The following PLA2G4D variants were observed in gnomAD, a reference collection of about 807,000 sequenced individuals.
PLA2G4D encodes the protein phospholipase A2 group IVD.
PLA2G4D carries 80 observed loss-of-function variants against 94.4 expected under a neutral mutation model. That is an observed-to-expected ratio of 0.85 (90% CI 0.71 to 1.02). The LOEUF (loss-of-function observed/expected upper bound fraction) is 1.02, where lower values mean the gene tolerates loss of function less well. Ranked by LOEUF, PLA2G4D falls within the 50% of genes least tolerant of loss-of-function variation. The pLI, the probability that PLA2G4D is intolerant of heterozygous loss-of-function variation, is 0.00. For missense variants in PLA2G4D, 1,050 were observed against 1,034.7 expected, an observed-to-expected ratio of 1.01 and a Z score of -0.20; for synonymous variants, 438 against 440.9, an observed-to-expected ratio of 0.99 and a Z score of 0.08.
intron 14 of PLA2G4D, 111 bp downstream of exon 14, chr15:42,072,164 G>T (rs1668588): frequency 9.0e-7 from 1 of 1,108,014 alleles, no homozygotes; most frequent in Non-Finnish European, 1.3e-6. Context: ...CTGCCCTTCC[G>T]GAACATTGGG....
rs1889730560 is a variant in PLA2G4D at position 42,068,629 on chromosome 15, C to A, written c.*86G>T. 5 of 1,343,154 alleles carry A rather than the reference C, an allele frequency of 3.7e-6. No homozygotes were observed. The Admixed American group carries it at 1.1e-4, about 30-fold the overall frequency. The allele number at this position is 1,343,154 out of a possible 1,614,324, so 83.2% of individuals were successfully genotyped here. A position where few individuals can be genotyped will look rare whatever the true frequency, so the allele number is the denominator to read the frequency against. The stretch of plus-strand genomic sequence containing the variant: ...CCCAGGCCTGGGAGAGCCCAGAACT[C>A]CAACCAGGAAGGCCTGTGGCTGAGC... On this transcript the variant is annotated 3_prime_UTR_variant, in exon 20 of 20. Transcript: ENST00000290472.
At position 42,093,530 on chromosome 15, in the gene PLA2G4D, G is replaced by T. The variant is rs144223392; in HGVS notation, c.45+885C>A. 1.5e-3 allele frequency among the ~76,000 whole-genome samples: 229 copies of T among 152,292 alleles called. 1 individual carries two copies. The Middle Eastern group carries it at 0.024, about 16-fold the overall frequency. ...TCCGTGGACTCCCCCGCATCCAAATGTCCGCTGATGTCTGACTCGTGGGTG... is the reference window on the plus strand; with the variant it reads ...TCCGTGGACTCCCCCGCATCCAAATTTCCGCTGATGTCTGACTCGTGGGTG... On this transcript the variant is annotated intron_variant, in intron 1 of 19. Coordinates refer to ENST00000290472, the MANE Select transcript of PLA2G4D (RefSeq NM_178034.4).
At position 42,079,610 on chromosome 15, in the gene PLA2G4D, C is replaced by T; in HGVS notation, c.1244G>A (p.Arg415Gln). 6.2e-7 allele frequency: 1 copy of T among 1,610,814 alleles called. No individual in the cohort carries two copies. The highest frequency in any genetic ancestry group is 8.5e-7 in the Non-Finnish European group (1 of 1,178,914). Residue 415 changes from arginine to glutamine, a missense_variant, in exon 13 of 20, where the codon CGG becomes CAG. Transcript: ENST00000290472. ...GGTCGTGGGGTGGCCCTGCTCAGCC[C>T]GCAGCTCCAGCTCCCGGCGGTAGCT... ...LASYRRELELRAEQGHPTTFV... is the reference protein window; with the variant it reads ...LASYRRELELQAEQGHPTTFV...
At chr15:42,069,162 T>C (rs936239327) in intron 19 of PLA2G4D, among the ~76,000 whole-genome samples, 23 of 152,202 alleles carry the variant, frequency 1.5e-4, no homozygotes. Flanking sequence ...CCTTGTGGCG[T>C]GACACCCCTT....
rs748956119 is a variant in PLA2G4D at position 42,071,522 on chromosome 15, G to A, written c.1603C>T (p.Leu535=). 2.7e-5 allele frequency: 43 copies of A among 1,613,794 alleles called. No homozygotes were observed. Among genetic ancestry groups the A allele is most frequent in the Non-Finnish European group, 3.4e-5 (40 of 1,179,882 alleles). ...GTGAGGTCATACCAGGCATCCAGCA[G>A]GTTCAGGGAGAAAATGTTGCTCCAG... ...AIWSNIFSLN[L]LDAWYDLTSS... The change falls in exon 16 of 20, where the codon CTG becomes TTG. Residue 535 remains leucine (L), a synonymous_variant. Transcript: ENST00000290472.
rs1406758999 is a variant in PLA2G4D at position 42,083,235 on chromosome 15, A to G, written c.635T>C (p.Met212Thr). 6.2e-7 allele frequency: 1 copy of G among 1,614,128 alleles called. No individual in the cohort carries two copies. The highest frequency in any genetic ancestry group is 8.5e-7 in the Non-Finnish European group (1 of 1,179,988). ...GCTCAGCTCTGTCTCTAGGGCTGCC[A>G]TGTAGTGGAAGCGGAAGGCAGAGGC... ...GTASAFRFHY[M>T]AALETELSGR... Residue 212 changes from methionine to threonine, a missense_variant, in exon 8 of 20, where the codon ATG becomes ACG. Met to Thr is a moderately conservative substitution (Grantham distance 81). Transcript: ENST00000290472.
chr15:42,094,534 T>C lies in PLA2G4D; in HGVS notation c.-75A>G. 3 of 1,567,372 alleles carry C rather than the reference T, an allele frequency of 1.9e-6. No homozygotes were observed. Among genetic ancestry groups the C allele is most frequent in the Non-Finnish European group, 2.6e-6 (3 of 1,140,852 alleles). On this transcript the variant is annotated 5_prime_UTR_variant, in exon 1 of 20. Transcript: ENST00000290472. ...CTCTCTGGCTGAGTGGCAGCGACGG[T>C]CCCAGTGGGATAGGACCAGCATGAA...
Position 42,071,899 on chromosome 15 carries a change from A to G in PLA2G4D, c.1448T>C (p.Phe483Ser). The G allele has an allele frequency of 6.2e-7, 1 of 1,614,096 alleles. No individual in the cohort carries two copies. Among genetic ancestry groups the G allele is most frequent in the Non-Finnish European group, 8.5e-7 (1 of 1,179,980 alleles). The change falls in exon 15 of 20, where the codon TTC (phenylalanine) becomes TCC (serine). Residue 483 changes from phenylalanine to serine, a missense_variant. Physicochemically the swap from Phe to Ser is radical, Grantham distance 155 (BLOSUM62 -2). Transcript: ENST00000290472. ...CAGGAAACCGACCTCATAGGGGGAG[A>G]ACTCAACCCACTCTAATGGGGTGGG... ...ETLDFKEWVEFSPYEVGFLKY... is the reference protein window; with the variant it reads ...ETLDFKEWVESSPYEVGFLKY...
intron 18 of PLA2G4D, 73 bp downstream of exon 18, chr15:42,070,644 C>T (rs1380772519): frequency 4.7e-6 from 7 of 1,474,220 alleles, no homozygotes; most frequent in Non-Finnish European, 6.4e-6. Context: ...GGCAGGGGCT[C>T]AGTGGCCCTG....
rs1331698084 is a variant in PLA2G4D at position 42,067,574 on chromosome 15, A to T, written c.*1141T>A. On this transcript the variant is annotated 3_prime_UTR_variant, in exon 20 of 20. Coordinates refer to ENST00000290472, the MANE Select transcript of PLA2G4D (RefSeq NM_178034.4). ...AAAAAAAAAAGAAAGAAAAAGAAAAAGAAATGTGCCAGCAATAAACAAAAA... is the reference window on the plus strand; with the variant it reads ...AAAAAAAAAAGAAAGAAAAAGAAAATGAAATGTGCCAGCAATAAACAAAAA... The T allele has an allele frequency of 6.6e-6, 1 of 151,996 alleles. No individual in the cohort carries two copies. The highest frequency in any genetic ancestry group is 2.4e-5 in the African/African-American group (1 of 41,406). The allele number at this position is 151,996 out of a possible 1,614,324, so 9.4% of individuals were successfully genotyped here.
rs746257962 is a variant in PLA2G4D, at chr15:42,083,791, C to A, written c.472-12G>T. ...GACAGCTCTCGGGCCTGGGGAAGAC[C>A]ACATCATGGGCAGGGGCCTCTGCAG... is the stretch of plus-strand genomic sequence containing the variant. On this transcript the variant is annotated splice_polypyrimidine_tract_variant and intron_variant, in intron 6 of 19. Coordinates refer to ENST00000290472, the MANE Select transcript of PLA2G4D (RefSeq NM_178034.4). 5.6e-6 allele frequency: 9 copies of A among 1,613,262 alleles called. No homozygotes were observed. The highest frequency in any genetic ancestry group is 2.2e-5 in the South Asian group (2 of 91,086).
Position 42,092,590 on chromosome 15 carries a change from A to T in PLA2G4D, c.45+1825T>A, listed in dbSNP as rs151150594. Among the ~76,000 whole-genome samples, 4 of 152,224 alleles carry T rather than the reference A, an allele frequency of 2.6e-5. No homozygotes were observed. In the East Asian group the frequency reaches 7.7e-4, roughly 29 times the overall value. On this transcript the variant is annotated intron_variant, in intron 1 of 19. Coordinates refer to ENST00000290472, the MANE Select transcript of PLA2G4D (RefSeq NM_178034.4). ...TCCTCCCATCTGAAATACCTCCTTA[A>T]TTGATGACTAACCCGGAGGCTTCTG...
In PLA2G4D at chr15:42,071,243, C is replaced by A. The variant is rs1355417060; in HGVS notation, c.1756G>T (p.Ala586Ser). Residue 586 changes from alanine (A) to serine (S), a missense_variant, in exon 17 of 20, where the codon GCC (alanine) becomes TCC (serine). Physicochemically the swap from Ala to Ser is moderately conservative, Grantham distance 99 (BLOSUM62 1). Transcript: ENST00000290472. ...ASWLQPGTAL[A>S]QAFKGFLTGR... ...GTCAGGAAGCCTTTAAATGCCTGGG[C>A]CAGCGCCGTGCCTGGCTGCAGCCAC... 3.7e-6 allele frequency: 6 copies of A among 1,611,208 alleles called. 1 individual carries two copies. Among genetic ancestry groups the A allele is most frequent in the Non-Finnish European group, 4.2e-6 (5 of 1,179,264 alleles).
At chr15:42,071,065 G>A in intron 17 of PLA2G4D, 58 bp downstream of exon 17, 1 of 1,584,924 alleles carries the variant, frequency 6.3e-7, no homozygotes, top group South Asian at 1.1e-5. Flanking sequence ...GCCAGTCCCT[G>A]CCACACCACC....
At chr15:42,082,773 G>A (rs1478265195) in intron 8 of PLA2G4D, among the ~76,000 whole-genome samples, 2 of 152,166 alleles carry the variant, frequency 1.3e-5, no homozygotes, top group Non-Finnish European at 2.9e-5. Context: ...GGAGGAGGAG[G>A]AGGAGGCAGC....
intron 14 of PLA2G4D, 63 bp downstream of exon 14, chr15:42,072,212 G>T: frequency 7.2e-7 from 1 of 1,390,656 alleles, no homozygotes; most frequent in Non-Finnish European, 1.0e-6. Flanking sequence ...TTCTCTGGGG[G>T]CTGTCGGGGT....
At position 42,070,011 on chromosome 15, in the gene PLA2G4D, G is replaced by A; in HGVS notation, c.2128C>T (p.Pro710Ser). The A allele has an allele frequency of 6.6e-7, 1 of 1,505,008 alleles. No homozygotes were observed. 93.2% of individuals were successfully genotyped at this position (1,505,008 alleles called of 1,614,324 possible). A position where few individuals can be genotyped will look rare whatever the true frequency, so the allele number is the denominator to read the frequency against. The change falls in exon 19 of 20, where the codon CCA becomes TCA. Residue 710 changes from proline to serine, a missense_variant. Pro to Ser is a moderately conservative substitution (Grantham distance 74). Transcript: ENST00000290472. ...VEPSPQDQHQ[P>S]RECHLFSDPA... Reference sequence around the variant, plus strand: ...TCTGAGAAGAGGTGGCATTCCCTTGGCTGGTGCTGGTCCTGAGGGCTGGGT... The same window carrying A: ...TCTGAGAAGAGGTGGCATTCCCTTGACTGGTGCTGGTCCTGAGGGCTGGGT...
intron 6 of PLA2G4D, 172 bp from the exon 7 acceptor site, chr15:42,083,951 C>A: frequency 1.6e-6 from 1 of 624,632 alleles, no homozygotes; most frequent in Non-Finnish European, 2.8e-6. Context: ...TCCTCTGCCG[C>A]GGCTGAACCT....
chr15:42,077,627 C>T (rs1005747199), intron 13 of PLA2G4D, among the ~76,000 whole-genome samples: 2 of 152,226 alleles, frequency 1.3e-5, no homozygotes, highest in Admixed American at 6.5e-5. Flanking sequence ...TTTTAGATTA[C>T]AATAGTTCCA....
Sources: allele counts gnomAD v4.1 joint callset (sites outside exome capture counted in the v4.1 genomes callset), GRCh38; gene constraint gnomAD v4.1.1; transcripts MANE v1.5; gene names NCBI Gene and HGNC (gene_info 2026-07-23, HGNC 2026-07-21).